The following HMCN1 variants were observed in gnomAD, a reference collection of about 807,000 sequenced individuals.
The protein encoded by HMCN1 is hemicentin 1, also known as hemicentin-1.
A neutral mutation model predicts 625.9 loss-of-function variants in HMCN1; 321 were observed. The ratio of observed to expected loss-of-function variants is 0.51; its 90% confidence interval spans 0.47 to 0.56. HMCN1 has a LOEUF of 0.56. Ranked by LOEUF, HMCN1 falls within the 20% of genes least tolerant of loss-of-function variation. HMCN1 has a pLI of 0.00. For missense variants in HMCN1, 6,588 were observed against 6,887.3 expected, an observed-to-expected ratio of 0.96 and a Z score of 1.54; for synonymous variants, 2,425 against 2,417.6, an observed-to-expected ratio of 1.00 and a Z score of -0.09.
intron 18 of HMCN1, among the ~76,000 whole-genome samples, chr1:185,983,808 C>T (rs1238102432): frequency 6.6e-6 from 1 of 152,082 alleles, no homozygotes; most frequent in Non-Finnish European, 1.5e-5. Context: ...GGTAATAAGG[C>T]CTTCTTGGAA....
chr1:185,949,786 G>T lies in HMCN1; in HGVS notation c.1829-12732G>T, dbSNP rs373748406. ...AGAGGTATTTTAGTTATCTGACTCG[G>T]CATGTTGAGTAAAGCTAATTTGCCA... On this transcript the variant is annotated intron_variant, in intron 11 of 106. Coordinates refer to ENST00000271588, the MANE Select transcript of HMCN1 (RefSeq NM_031935.3). 5.3e-5 allele frequency among the ~76,000 whole-genome samples: 8 copies of T among 150,668 alleles called. No homozygotes were observed. In the East Asian group the frequency reaches 7.8e-4, roughly 15 times the overall value.
chr1:186,063,066 G>GTGTGTGTGTGTATATATATATATA (rs1491400415), intron 48 of HMCN1, among the ~76,000 whole-genome samples: 2 of 29,942 alleles, frequency 6.7e-5, no homozygotes, highest in Non-Finnish European at 1.2e-4. Context: ...GTGTGTGTGT[G>GTGTGTGTGTGTATATATATATATA]CATATATATA....
At chr1:185,822,050 G>C in intron 1 of HMCN1, among the ~76,000 whole-genome samples, 1 of 152,062 alleles carries the variant, frequency 6.6e-6, no homozygotes, top group East Asian at 1.9e-4. Flanking sequence ...TGGTTGCCAG[G>C]GTTTGAGAGG....
At chr1:186,120,807 C>T (rs957445177) in intron 80 of HMCN1, among the ~76,000 whole-genome samples, 1 of 152,120 alleles carries the variant, frequency 6.6e-6, no homozygotes, top group Non-Finnish European at 1.5e-5. Context: ...ACATTAATAA[C>T]TGGAAATACA....
chr1:185,810,777 A>T (rs1420552328), intron 1 of HMCN1, among the ~76,000 whole-genome samples: 1 of 152,136 alleles, frequency 6.6e-6, no homozygotes, highest in Non-Finnish European at 1.5e-5. Context: ...AAAGTTGTAT[A>T]AAAATGTTAA....
At chr1:186,169,469 A>G (rs1031145442) in intron 100 of HMCN1, among the ~76,000 whole-genome samples, 5 of 152,230 alleles carry the variant, frequency 3.3e-5, no homozygotes, top group Admixed American at 6.5e-5. Context: ...AACAAACAGC[A>G]TGGTACTGGT....
At chr1:185,841,628 C>G (rs577250623) in intron 1 of HMCN1, among the ~76,000 whole-genome samples, 1 of 152,296 alleles carries the variant, frequency 6.6e-6, no homozygotes, top group South Asian at 2.1e-4. Context: ...GGCAGTTAAT[C>G]CCCTCAAGGT....
At position 185,822,323 on chromosome 1, in the gene HMCN1, A is replaced by G. The variant is rs1037801554; in HGVS notation, c.269-23703A>G. On this transcript the variant is annotated intron_variant, in intron 1 of 106. Coordinates refer to ENST00000271588, the MANE Select transcript of HMCN1 (RefSeq NM_031935.3). Reference sequence around the variant, plus strand: ...CGGGGTGGGCAGGAGGTACATGGGAATCTCTGTTCCTTCATCCCAGTTTTG... The same window carrying G: ...CGGGGTGGGCAGGAGGTACATGGGAGTCTCTGTTCCTTCATCCCAGTTTTG... 2.6e-5 allele frequency among the ~76,000 whole-genome samples: 4 copies of G among 152,222 alleles called. No individual in the cohort carries two copies. In the South Asian group the frequency reaches 6.2e-4, roughly 24 times the overall value.
chr1:186,027,895 G>T (rs530619186), intron 36 of HMCN1, among the ~76,000 whole-genome samples: 9 of 152,166 alleles, frequency 5.9e-5, no homozygotes, highest in African/African-American at 2.2e-4. Context: ...CTCAAAAATG[G>T]TTCCTCTGTC....
chr1:185,801,331 A>C (rs1210758730), intron 1 of HMCN1, among the ~76,000 whole-genome samples: 9 of 152,136 alleles, frequency 5.9e-5, no homozygotes, highest in Non-Finnish European at 1.5e-5. Context: ...AAATGATTAG[A>C]TCCATCCTTC....
At chr1:186,182,338 AG>A (rs746075468) in intron 105 of HMCN1, 51 bp downstream of exon 105, 2 of 1,607,610 alleles carry the variant, frequency 1.2e-6, no homozygotes, top group East Asian at 4.5e-5. Flanking sequence ...AAAAACCAAC[AG>A]AGAGTGTGAG....
intron 1 of HMCN1, among the ~76,000 whole-genome samples, chr1:185,840,428 T>C (rs1661407556): frequency 6.6e-6 from 1 of 152,200 alleles, no homozygotes; most frequent in Admixed American, 6.5e-5. Context: ...ATGTTGACTT[T>C]CAGCTCATGA....
intron 2 of HMCN1, among the ~76,000 whole-genome samples, chr1:185,854,700 A>C (rs931370535): frequency 6.6e-6 from 1 of 152,154 alleles, no homozygotes; most frequent in Non-Finnish European, 1.5e-5. Context: ...CATTGCCTTT[A>C]AGATCTTATT....
At chr1:186,006,537 A>G (rs1278224543) in intron 29 of HMCN1, among the ~76,000 whole-genome samples, 1 of 152,106 alleles carries the variant, frequency 6.6e-6, no homozygotes, top group Non-Finnish European at 1.5e-5. Flanking sequence ...TGACAATCAT[A>G]TACGAGCTTC....
chr1:185,951,146 G>T (rs1373810993), intron 11 of HMCN1, among the ~76,000 whole-genome samples: 4 of 151,146 alleles, frequency 2.6e-5, no homozygotes, highest in Non-Finnish European at 5.9e-5. Flanking sequence ...GTGGGTTAAG[G>T]TGGGGGGATA....
chr1:185,969,129 G>C (rs1291373596), intron 14 of HMCN1, among the ~76,000 whole-genome samples: 1 of 152,126 alleles, frequency 6.6e-6, no homozygotes, highest in African/African-American at 2.4e-5. Flanking sequence ...TTTAATACTT[G>C]ATGACCAGTG....
At chr1:185,833,334 T>C (rs1370787875) in intron 1 of HMCN1, among the ~76,000 whole-genome samples, 1 of 152,184 alleles carries the variant, frequency 6.6e-6, no homozygotes, top group Non-Finnish European at 1.5e-5. Flanking sequence ...GGCAGACATT[T>C]ACATTATTAA....
At chr1:185,865,314 C>T (rs1440201356) in intron 3 of HMCN1, among the ~76,000 whole-genome samples, 1 of 152,166 alleles carries the variant, frequency 6.6e-6, no homozygotes, top group Non-Finnish European at 1.5e-5. Context: ...ATTTTTGCCT[C>T]ATGCTATTGG....
At position 185,773,022 on chromosome 1, in the gene HMCN1, T is replaced by C. The variant is rs182129675; in HGVS notation, c.268+37975T>C. ...AGCCCCACCTCCCAACACTGTTGCA[T>C]TGGGGATTGTTTCCAGCACATGAAT... On this transcript the variant is annotated intron_variant, in intron 1 of 106. Coordinates refer to ENST00000271588, the MANE Select transcript of HMCN1 (RefSeq NM_031935.3). 2.4e-3 allele frequency among the ~76,000 whole-genome samples: 365 copies of C among 152,238 alleles called. 3 individuals are homozygous for C. Among genetic ancestry groups the C allele is most frequent in the Middle Eastern group, 6.8e-3 (2 of 294 alleles).
Sources: allele counts gnomAD v4.1 joint callset (sites outside exome capture counted in the v4.1 genomes callset), GRCh38; gene constraint gnomAD v4.1.1; transcripts MANE v1.5; gene names NCBI Gene and HGNC (gene_info 2026-07-23, HGNC 2026-07-21).